RARB: variants seen among roughly 807,000 people sequenced by gnomAD.
RARB encodes HBV-activated protein.
RARB carries 17 observed loss-of-function variants against 51.9 expected under a neutral mutation model. The ratio of observed to expected loss-of-function variants is 0.33; its 90% CI spans 0.22 to 0.49. The LOEUF is 0.49. RARB is among the 20% of genes least tolerant of loss of function. RARB has a pLI of 0.99. For missense variants in RARB, 369 were observed against 550.8 expected (o/e 0.67, Z 3.30); for synonymous variants, 215 against 195.4 (o/e 1.10, Z -0.84).
At chr3:24,893,470 A>T (rs1269504886) in intron 2 of RARB, among the ~76,000 whole-genome samples, 1 of 152,200 alleles carries the variant, frequency 6.6e-6, no homozygotes, top group Non-Finnish European at 1.5e-5. Flanking sequence ...GTGGCTCTTC[A>T]CTGCAAACAG....
intron 5 of RARB, among the ~76,000 whole-genome samples, chr3:25,175,058 A>C (rs1700717234): frequency 6.6e-6 from 1 of 152,294 alleles, no homozygotes; most frequent in Non-Finnish European, 1.5e-5. Context: ...CTACCAATTC[A>C]TATCACATTA....
intron 5 of RARB, among the ~76,000 whole-genome samples, chr3:25,357,013 C>G (rs983371277): frequency 2.6e-5 from 4 of 152,094 alleles, no homozygotes; most frequent in Non-Finnish European, 5.9e-5. Flanking sequence ...GATTTATAAT[C>G]CTTTGGGTAT....
chr3:24,858,396 C>A (rs1702673312), intron 1 of RARB, among the ~76,000 whole-genome samples: 1 of 152,270 alleles, frequency 6.6e-6, no homozygotes, highest in South Asian at 2.1e-4. Context: ...CGTAAGCCCA[C>A]CCCTGAGCCC....
At chr3:25,197,812 A>G (rs1353200236) in intron 5 of RARB, among the ~76,000 whole-genome samples, 1 of 152,024 alleles carries the variant, frequency 6.6e-6, no homozygotes, top group Non-Finnish European at 1.5e-5. Flanking sequence ...TTCCATGTTC[A>G]TGGAATGTTT....
intron 5 of RARB, among the ~76,000 whole-genome samples, chr3:25,423,135 T>C (rs1310304917): frequency 6.6e-6 from 1 of 152,198 alleles, no homozygotes; most frequent in Non-Finnish European, 1.5e-5. Context: ...AAAGGTAACA[T>C]ATATTCACAT....
intron 3 of RARB, among the ~76,000 whole-genome samples, chr3:25,534,105 G>C (rs1699037735): frequency 6.6e-6 from 1 of 152,170 alleles, no homozygotes; most frequent in African/African-American, 2.4e-5. Flanking sequence ...AGAATTAAAG[G>C]TTCAGTTTAT....
rs1575074224 is a variant in RARB, at chr3:24,923,897, A to G, written c.-380+65145A>G. Among the ~76,000 whole-genome samples, 3 of 152,168 alleles carry G rather than the reference A, an allele frequency of 2.0e-5. No individual in the cohort carries two copies. In the South Asian group the frequency reaches 6.2e-4, roughly 31 times the overall value. ...TTTGGAGTGGGAGGAAGTGAAGAGG[A>G]TGGTTTCTATGGTTGTAGATTCTTA... is the stretch of plus-strand genomic sequence containing the variant. On this transcript the variant is annotated intron_variant, in intron 2 of 11. Transcript: ENST00000383772.
intron 4 of RARB, among the ~76,000 whole-genome samples, chr3:25,162,348 A>G (rs1575188996): frequency 6.6e-6 from 1 of 152,150 alleles, no homozygotes; most frequent in South Asian, 2.1e-4. Context: ...GTCTCAAGTA[A>G]TCCTCCTCGC....
At chr3:25,115,478 A>G (rs574273921) in intron 3 of RARB, among the ~76,000 whole-genome samples, 5 of 152,292 alleles carry the variant, frequency 3.3e-5, no homozygotes, top group African/African-American at 1.2e-4. Context: ...GGCTGAACCT[A>G]TGTGAAGAAG....
chr3:24,937,879 G>A (rs1021119786), intron 2 of RARB, among the ~76,000 whole-genome samples: 5 of 151,998 alleles, frequency 3.3e-5, no homozygotes, highest in East Asian at 1.9e-4. Context: ...TGAGAAATCC[G>A]GAAAAAACAA....
intron 1 of RARB, among the ~76,000 whole-genome samples, chr3:24,850,803 C>G (rs563728915): frequency 3.3e-5 from 5 of 152,230 alleles, no homozygotes; most frequent in African/African-American, 1.2e-4. Flanking sequence ...AGGATGAGGC[C>G]TGAAATTCTG....
At chr3:25,167,875 C>T (rs1185934275) in intron 4 of RARB, among the ~76,000 whole-genome samples, 1 of 152,140 alleles carries the variant, frequency 6.6e-6, no homozygotes, top group Admixed American at 6.5e-5. Flanking sequence ...TTTCTTTCCA[C>T]CCTACCCTGG....
chr3:25,173,710 C>T (rs1700687107), intron 4 of RARB, among the ~76,000 whole-genome samples: 1 of 152,318 alleles, frequency 6.6e-6, no homozygotes, highest in East Asian at 1.9e-4. Flanking sequence ...TATCCCTTGT[C>T]AGGTACTCTT....
chr3:25,400,214 GAGA>G (rs1213656926), intron 5 of RARB, among the ~76,000 whole-genome samples: 2 of 152,184 alleles, frequency 1.3e-5, no homozygotes, highest in Non-Finnish European at 2.9e-5. Context: ...GGATCCTGGA[GAGA>G]AGGACACTTC....
At chr3:25,374,447 G>A (rs552965870) in intron 5 of RARB, among the ~76,000 whole-genome samples, 1 of 152,192 alleles carries the variant, frequency 6.6e-6, no homozygotes, top group Admixed American at 6.5e-5. Flanking sequence ...GCAATAGTAA[G>A]GCTTTATTAT....
intron 2 of RARB, among the ~76,000 whole-genome samples, chr3:25,482,768 T>C (rs959131629): frequency 5.3e-5 from 8 of 151,954 alleles, no homozygotes; most frequent in African/African-American, 1.7e-4. Context: ...CTCGATCTCC[T>C]GACCTCATGA....
intron 5 of RARB, among the ~76,000 whole-genome samples, chr3:25,416,445 T>C (rs905578029): frequency 5.3e-5 from 8 of 152,304 alleles, no homozygotes; most frequent in African/African-American, 1.9e-4. Context: ...ATTGAGACTT[T>C]TAGACCTTGA....
At chr3:24,856,704 C>A (rs900581918) in intron 1 of RARB, among the ~76,000 whole-genome samples, 5 of 152,126 alleles carry the variant, frequency 3.3e-5, no homozygotes, top group Non-Finnish European at 7.4e-5. Flanking sequence ...CCTTGGGGAA[C>A]CAAAAAGATT....
intron 2 of RARB, among the ~76,000 whole-genome samples, chr3:24,862,001 A>C (rs1002537188): frequency 6.6e-6 from 1 of 152,164 alleles, no homozygotes; most frequent in South Asian, 2.1e-4. Flanking sequence ...TCTCACTGTG[A>C]CTACACTTCC....
Sources: gnomAD v4.1 joint callset for allele counts (sites outside exome capture counted in the v4.1 genomes callset) on GRCh38, gnomAD v4.1.1 for gene constraint, MANE v1.5 for transcripts, NCBI Gene and HGNC (gene_info 2026-07-23, HGNC 2026-07-21) for gene names.